DPYSL4: variants seen among roughly 807,000 people sequenced by gnomAD.
DPYSL4 encodes dihydropyrimidinase like 4.
DPYSL4 carries 43 observed loss-of-function variants against 63.4 expected under a neutral mutation model. The ratio of observed to expected loss-of-function variants is 0.68; its 90% confidence interval spans 0.53 to 0.88. The LOEUF (loss-of-function observed/expected upper bound fraction) is 0.88, where lower values mean the gene tolerates loss of function less well. Ranked by LOEUF, DPYSL4 falls within the 40% of genes least tolerant of loss-of-function variation. The probability of loss-of-function intolerance (pLI) is 0.00; values close to 1 mark genes in which losing one functional copy is unlikely to be tolerated. For synonymous variants in DPYSL4, 353 were observed against 331.7 expected (o/e 1.06, Z -0.70); for missense variants, 733 against 819.5 (o/e 0.89, Z 1.29).
At chr10:132,203,531 AG>A in intron 12 of DPYSL4, 3 of 548,530 alleles carry the variant, frequency 5.5e-6, no homozygotes, top group Non-Finnish European at 9.8e-6. Context: ...ATGGGACCGC[AG>A]GCGGGCATTA....
At chr10:132,200,734 T>C in intron 9 of DPYSL4, 108 bp from the exon 10 acceptor site, 1 of 1,455,802 alleles carries the variant, frequency 6.9e-7, no homozygotes, top group South Asian at 1.4e-5. Context: ...CGAGAGCCAC[T>C]CAGATGACCT....
At position 132,195,440 on chromosome 10, in the gene DPYSL4, A is replaced by G. The variant is rs11146245; in HGVS notation, c.478+431A>G. Among the ~76,000 whole-genome samples, 242 of 152,344 alleles carry G rather than the reference A, an allele frequency of 1.6e-3. 2 individuals are homozygous for G. In the East Asian group the frequency reaches 0.041, roughly 26 times the overall value. ...TTTCCCCACAAAAAACCCTGAAGCT[A>G]AAACTACATCAGAGTTTCATAGTGG... On this transcript the variant is annotated intron_variant, in intron 4 of 13. Coordinates refer to ENST00000338492, the MANE Select transcript of DPYSL4 (RefSeq NM_006426.3).
In DPYSL4 at chr10:132,194,911, C is replaced by A. The variant is rs767534507; in HGVS notation, c.380C>A (p.Ala127Glu). The A allele has an allele frequency of 6.2e-7, 1 of 1,612,452 alleles. No individual in the cohort carries two copies. ...GCCTACGAGCAGTGGCGGGAGCGGG[C>A]GGACAGCGCGGCCTGCTGCGACTAC... ...LAAYEQWRER[A>E]DSAACCDYSL... The change falls in exon 4 of 14, where the codon GCG (alanine) becomes GAG (glutamate). Residue 127 changes from alanine (A) to glutamate (E), a missense_variant. Ala to Glu is a moderately radical substitution (Grantham distance 107). Transcript: ENST00000338492.
intron 12 of DPYSL4, among the ~76,000 whole-genome samples, chr10:132,203,219 G>C (rs2062043624): frequency 6.6e-6 from 1 of 152,210 alleles, no homozygotes; most frequent in Non-Finnish European, 1.5e-5. Context: ...CGTGCACGCT[G>C]ATTTGTGGAC....
chr10:132,200,352 G>A lies in DPYSL4; in HGVS notation c.812-4G>A, dbSNP rs871883. The A allele has an allele frequency of 6.2e-7, 1 of 1,612,786 alleles. No homozygotes were observed. The highest frequency in any genetic ancestry group is 8.5e-7 in the Non-Finnish European group (1 of 1,179,738). On this transcript the variant is annotated splice_region_variant and splice_polypyrimidine_tract_variant and intron_variant, in intron 8 of 13. Transcript: ENST00000338492. ...GGGCACCTCTCATGGGCCTCGTGCT[G>A]CAGGGGTGGTCGTGTTTGGGGAGCC... is the stretch of plus-strand genomic sequence containing the variant.
chr10:132,190,899 T>A (rs2061865190), intron 2 of DPYSL4, 64 bp downstream of exon 2: 3 of 1,522,404 alleles, frequency 2.0e-6, no homozygotes, highest in Non-Finnish European at 2.7e-6. Flanking sequence ...TCACGTGGTA[T>A]CCAGGCAGTT....
At position 132,189,917 on chromosome 10, in the gene DPYSL4, G is replaced by A. The variant is rs188893843; in HGVS notation, c.40-830G>A. Among the ~76,000 whole-genome samples, 443 of 152,304 alleles carry A rather than the reference G, an allele frequency of 2.9e-3. 2 individuals carry two copies. Among genetic ancestry groups the A allele is most frequent in the Non-Finnish European group, 3.9e-3 (262 of 68,016 alleles). On this transcript the variant is annotated intron_variant, in intron 1 of 13. Coordinates refer to ENST00000338492, the MANE Select transcript of DPYSL4 (RefSeq NM_006426.3). ...CTGCCCCTGCCAAGCTCTGGGCACCGACTTGCCTCTGGCACCACCACCCCA... is the reference window on the plus strand; with the variant it reads ...CTGCCCCTGCCAAGCTCTGGGCACCAACTTGCCTCTGGCACCACCACCCCA...
intron 4 of DPYSL4, among the ~76,000 whole-genome samples, 183 bp downstream of exon 4, chr10:132,195,192 C>T (rs1388408206): frequency 6.6e-5 from 10 of 152,122 alleles, no homozygotes; most frequent in Admixed American, 6.5e-4. Context: ...ACCAAGAGGC[C>T]TTCTCTTTCC....
chr10:132,192,289 G>C, intron 2 of DPYSL4: 2 of 990,868 alleles, frequency 2.0e-6, no homozygotes, highest in African/African-American at 1.7e-5. Flanking sequence ...GCAGCACTTA[G>C]TATGGTGCCT....
chr10:132,204,044 G>C (rs548687109), intron 13 of DPYSL4, 117 bp downstream of exon 13: 4 of 1,340,592 alleles, frequency 3.0e-6, no homozygotes, highest in African/African-American at 2.9e-5. Context: ...CACCCAGCTG[G>C]GGACTGGGGC....
At chr10:132,198,598 AC>A in intron 7 of DPYSL4, 115 bp downstream of exon 7, 1 of 1,180,442 alleles carries the variant, frequency 8.5e-7, no homozygotes, top group Non-Finnish European at 1.2e-6. Flanking sequence ...GCTCGCCCCG[AC>A]CTCATCTGGG....
chr10:132,191,020 G>A (rs1216187533), intron 2 of DPYSL4, among the ~76,000 whole-genome samples, 185 bp downstream of exon 2: 10 of 95,190 alleles, frequency 1.1e-4, no homozygotes, highest in East Asian at 5.6e-4. Flanking sequence ...CCAGGCAGTT[G>A]AAAGTATGTT....
chr10:132,203,777 G>A lies in DPYSL4; in HGVS notation c.1477G>A (p.Gly493Ser), dbSNP rs370165072. 3.2e-5 allele frequency: 52 copies of A among 1,607,164 alleles called. No homozygotes were observed. The highest frequency in any genetic ancestry group is 1.5e-4 in the South Asian group (14 of 90,872). Residue 493 changes from glycine to serine, a missense_variant, in exon 13 of 14, where the codon GGT becomes AGT. Gly to Ser is a moderately conservative substitution (Grantham distance 56). Coordinates refer to ENST00000338492, the MANE Select transcript of DPYSL4 (RefSeq NM_006426.3). ...KARNRLAEIH[G>S]VPRGLYDGPV... ...CCCCCGGCAGCTGGCGGAGATCCAC[G>A]GTGTGCCCCGTGGACTGTATGACGG...
At chr10:132,187,236 C>T (rs966086450) in intron 1 of DPYSL4, 134 bp downstream of exon 1, 5 of 570,142 alleles carry the variant, frequency 8.8e-6, no homozygotes, top group African/African-American at 8.0e-5. Flanking sequence ...GTCCTGGCGC[C>T]CGCCCTTCCC....
At chr10:132,189,097 C>T (rs1473513337) in intron 1 of DPYSL4, among the ~76,000 whole-genome samples, 2 of 152,244 alleles carry the variant, frequency 1.3e-5, no homozygotes, top group Non-Finnish European at 2.9e-5. Flanking sequence ...TTCAGACTGA[C>T]GGTGCGTGAA....
intron 10 of DPYSL4, 145 bp downstream of exon 10, chr10:132,201,128 A>G (rs961742038): frequency 2.9e-5 from 36 of 1,243,850 alleles, no homozygotes; most frequent in Admixed American, 5.4e-5. Flanking sequence ...CGGATTCCCC[A>G]CCCAGGGCGC....
Position 132,187,307 on chromosome 10 carries a change from TAAG to T in DPYSL4, c.39+206_39+208del, listed in dbSNP as rs577726845. Among the ~76,000 whole-genome samples the T allele has an allele frequency of 9.0e-3, 1,365 of 150,952 alleles. 28 individuals are homozygous for T. The highest frequency in any genetic ancestry group is 0.031 in the African/African-American group (1,269 of 40,982). On this transcript the variant is annotated intron_variant, in intron 1 of 13. Coordinates refer to ENST00000338492, the MANE Select transcript of DPYSL4 (RefSeq NM_006426.3). ...CCCGCTAGCGCCGCGCAGACCCCCT[TAAG>T]GAGCGGGGCGCCCAGGCCCGGCCCG...
chr10:132,196,522 G>A lies in DPYSL4; in HGVS notation c.479-339G>A, dbSNP rs554988760. Reference sequence around the variant, plus strand: ...GGAGGGAGCCAGTGGAACCCAGGCCGAGAGCCCAGGCACAGCGGCTCTTCC... The same window carrying A: ...GGAGGGAGCCAGTGGAACCCAGGCCAAGAGCCCAGGCACAGCGGCTCTTCC... On this transcript the variant is annotated intron_variant, in intron 4 of 13. Transcript: ENST00000338492. 5.9e-5 allele frequency among the ~76,000 whole-genome samples: 9 copies of A among 152,366 alleles called. No individual in the cohort carries two copies. The South Asian group carries it at 6.2e-4, about 11-fold the overall frequency.
chr10:132,190,376 G>C (rs571460080), intron 1 of DPYSL4, among the ~76,000 whole-genome samples: 1 of 152,368 alleles, frequency 6.6e-6, no homozygotes, highest in East Asian at 1.9e-4. Context: ...CAGGATCTCT[G>C]AGGCTGCACA....
Sources: gnomAD v4.1 joint callset for allele counts (sites outside exome capture counted in the v4.1 genomes callset) on GRCh38, gnomAD v4.1.1 for gene constraint, MANE v1.5 for transcripts, NCBI Gene and HGNC (gene_info 2026-07-23, HGNC 2026-07-21) for gene names.